ARHGEF10: variants seen among roughly 807,000 people sequenced by gnomAD.
ARHGEF10 encodes Rho guanine nucleotide exchange factor (GEF) 10.
ARHGEF10 carries 140 observed loss-of-function variants against 147.4 expected under a neutral mutation model. That is an observed-to-expected ratio of 0.95 (90% CI 0.83 to 1.09). The LOEUF is 1.09. ARHGEF10 is among the 50% of genes least tolerant of loss of function. ARHGEF10 has a pLI of 0.00. For synonymous variants in ARHGEF10, 902 were observed against 695.8 expected, an observed-to-expected ratio of 1.30 and a Z score of -4.67; for missense variants, 2,222 against 1,752.7, an observed-to-expected ratio of 1.27 and a Z score of -4.78.
chr8:1,945,923 G>A (rs554103828), intron 27 of ARHGEF10: 2 of 612,412 alleles, frequency 3.3e-6, no homozygotes, highest in Non-Finnish European at 5.8e-6. Context: ...CCGCGTGGCA[G>A]TGCCATCTCT....
intron 18 of ARHGEF10, 38 bp from the exon 19 acceptor site, chr8:1,922,926 C>G (rs750321920): frequency 9.0e-6 from 13 of 1,447,832 alleles, no homozygotes; most frequent in African/African-American, 1.4e-5. Flanking sequence ...ATGGCTTTAC[C>G]TTTGTATTCT....
intron 10 of ARHGEF10, 122 bp downstream of exon 10, chr8:1,882,871 G>A (rs1808337370): frequency 3.4e-6 from 3 of 871,960 alleles, no homozygotes; most frequent in Admixed American, 2.0e-5. Flanking sequence ...GGGAGCACCA[G>A]CCTGCTCAGT....
intron 26 of ARHGEF10, among the ~76,000 whole-genome samples, chr8:1,945,188 G>T (rs1157997948): frequency 6.6e-6 from 1 of 152,200 alleles, no homozygotes; most frequent in African/African-American, 2.4e-5. Flanking sequence ...CCCCTCGCCA[G>T]CCTGCCCATG....
intron 16 of ARHGEF10, among the ~76,000 whole-genome samples, chr8:1,905,087 C>T (rs190992984): frequency 6.6e-6 from 1 of 152,152 alleles, no homozygotes; most frequent in Admixed American, 6.5e-5. Flanking sequence ...TGAGATTGTG[C>T]GGCTGCACTC....
intron 26 of ARHGEF10, among the ~76,000 whole-genome samples, chr8:1,941,182 G>C (rs1019231327): frequency 1.3e-5 from 2 of 152,204 alleles, no homozygotes; most frequent in Non-Finnish European, 2.9e-5. Context: ...AGTTGCATTT[G>C]CATATGATAT....
intron 1 of ARHGEF10, 84 bp from the exon 2 acceptor site, chr8:1,843,269 G>C: frequency 9.9e-7 from 1 of 1,014,094 alleles, no homozygotes; most frequent in Non-Finnish European, 1.5e-6. Context: ...CCTTTTTGCG[G>C]GGTTCTCTGT....
intron 14 of ARHGEF10, among the ~76,000 whole-genome samples, chr8:1,897,522 TAA>T (rs1810092276): frequency 1.3e-5 from 2 of 149,818 alleles, no homozygotes; most frequent in African/African-American, 5.0e-5. Context: ...GGCTCTGTCC[TAA>T]GGCATCGGAT....
chr8:1,871,184 A>G (rs1807091133), intron 7 of ARHGEF10: 1 of 151,738 alleles, frequency 6.6e-6, no homozygotes, highest in Non-Finnish European at 1.5e-5. Context: ...ATTGACTTGA[A>G]GGTCATATAC....
intron 1 of ARHGEF10, among the ~76,000 whole-genome samples, chr8:1,824,395 C>G (rs1009357105): frequency 4.6e-5 from 7 of 152,018 alleles, no homozygotes; most frequent in Non-Finnish European, 2.9e-5. Flanking sequence ...CAGGAGCGAA[C>G]TCCGATCGGC....
chr8:1,836,621 T>TG (rs986298519), intron 1 of ARHGEF10, among the ~76,000 whole-genome samples: 22 of 151,736 alleles, frequency 1.4e-4, no homozygotes, highest in Admixed American at 2.6e-4. Context: ...GAGCAGGCTG[T>TG]GGGGGGGAGA....
At chr8:1,914,435 C>T (rs556810244) in intron 18 of ARHGEF10, among the ~76,000 whole-genome samples, 2 of 152,374 alleles carry the variant, frequency 1.3e-5, no homozygotes, top group East Asian at 3.9e-4. Flanking sequence ...CTGCCCGATG[C>T]ACTGCATGGC....
At chr8:1,896,285 GA>G in intron 13 of ARHGEF10, 47 bp from the exon 14 acceptor site, 1 of 1,287,494 alleles carries the variant, frequency 7.8e-7, no homozygotes, top group South Asian at 1.2e-5. Flanking sequence ...TTGGAAAAGG[GA>G]TATCTGGACT....
At chr8:1,849,426 G>A (rs542615038) in intron 2 of ARHGEF10, among the ~76,000 whole-genome samples, 54 of 143,824 alleles carry the variant, frequency 3.8e-4, no homozygotes, top group Non-Finnish European at 6.2e-4. Flanking sequence ...GGACACAGAG[G>A]GCAAATGCTG....
At chr8:1,947,811 G>T (rs1042867983) in intron 27 of ARHGEF10, among the ~76,000 whole-genome samples, 1 of 144,134 alleles carries the variant, frequency 6.9e-6, no homozygotes, top group African/African-American at 2.6e-5. Flanking sequence ...TACTGCTGCT[G>T]CTCGAAAGCC....
chr8:1,929,572 G>A (rs1367400866), intron 25 of ARHGEF10, 129 bp downstream of exon 25: 25 of 1,155,176 alleles, frequency 2.2e-5, no homozygotes, highest in East Asian at 5.2e-5. Context: ...CCCTGCGCTC[G>A]TCACCCTTGC....
chr8:1,829,238 A>G (rs1190436075), intron 1 of ARHGEF10, among the ~76,000 whole-genome samples: 1 of 152,272 alleles, frequency 6.6e-6, no homozygotes, highest in African/African-American at 2.4e-5. Flanking sequence ...CTCCTGGTTC[A>G]GAAGCTCCGT....
chr8:1,848,641 TA>T (rs948687305), intron 2 of ARHGEF10, among the ~76,000 whole-genome samples: 2 of 152,128 alleles, frequency 1.3e-5, no homozygotes, highest in African/African-American at 4.8e-5. Context: ...ATTGGGTAAT[TA>T]AAAAAATTAC....
At chr8:1,862,251 C>T (rs990793484) in intron 4 of ARHGEF10, among the ~76,000 whole-genome samples, 9 of 152,270 alleles carry the variant, frequency 5.9e-5, no homozygotes, top group Middle Eastern at 3.2e-3. Context: ...CCTGGCTCTG[C>T]AGGGCTTCCC....
chr8:1,951,918 G>GCTACCGTGAGGCGGGGTCTTCCCTGTAA (rs1815081202), intron 27 of ARHGEF10, among the ~76,000 whole-genome samples: 1 of 135,404 alleles, frequency 7.4e-6, no homozygotes, highest in Non-Finnish European at 1.7e-5. Flanking sequence ...CTTCCTTGTA[G>GCTACCGTGAGGCGGGGTCTTCCCTGTAA]CCACCGTGAG....
Sources: allele counts gnomAD v4.1 joint callset (sites outside exome capture counted in the v4.1 genomes callset), GRCh38; gene constraint gnomAD v4.1.1; transcripts MANE v1.5; gene names NCBI Gene and HGNC (gene_info 2026-07-23, HGNC 2026-07-21).